The following ZNF215 variants were observed in gnomAD, a reference collection of about 807,000 sequenced individuals.
The protein encoded by ZNF215 is zinc finger protein 215, also known as BWSCR2-associated zinc finger protein 2.
In ZNF215, 24 loss-of-function variants were observed where a neutral mutation model predicts 27.2. The ratio of observed to expected loss-of-function variants is 0.88; its 90% CI spans 0.64 to 1.24. The LOEUF is 1.24. Among genes scored for constraint, ZNF215 ranks in the 50% most tolerant of loss-of-function variants. ZNF215 has a pLI of 0.00. For synonymous variants in ZNF215, 210 were observed against 204.0 expected (o/e 1.03, Z -0.25); for missense variants, 675 against 605.7 (o/e 1.11, Z -1.20).
At position 6,932,490 on chromosome 11, in the gene ZNF215, G is replaced by A. The variant is rs759317000; in HGVS notation, c.218G>A (p.Cys73Tyr). The change falls in exon 3 of 7, where the codon TGT (cysteine) becomes TAT (tyrosine). Residue 73 changes from cysteine to tyrosine, a missense_variant. Physicochemically the swap from Cys to Tyr is radical, Grantham distance 194. Coordinates refer to ENST00000278319, the MANE Select transcript of ZNF215 (RefSeq NM_013250.4). ...GCCCTGAGCCAACTCTGGGAGCTCT[G>A]TCTTCAATGGCTGAGACCAGAGATT... ...HEALSQLWEL[C>Y]LQWLRPEIHT... The A allele has an allele frequency of 2.5e-6, 4 of 1,614,146 alleles. No individual in the cohort carries two copies. Among genetic ancestry groups the A allele is most frequent in the African/African-American group, 1.3e-5 (1 of 75,020 alleles).
chr11:6,959,960 CAT>C (rs1850480854), downstream of ZNF215, among the ~76,000 whole-genome samples: 1 of 151,930 alleles, frequency 6.6e-6, no homozygotes, highest in African/African-American at 2.4e-5. Flanking sequence ...ACATATATAT[CAT>C]ATACAGATGT....
Position 6,957,038 on chromosome 11 carries a change from T to G in ZNF215, c.*507T>G, listed in dbSNP as rs1850387349. On this transcript the variant is annotated 3_prime_UTR_variant, in exon 7 of 7. Transcript: ENST00000278319. ...ATGGCTAAGACAACAGTAACAGCCA[T>G]TTACTCCACTCCTGACAATACCCTT... The G allele has an allele frequency of 1.0e-6, 1 of 986,642 alleles. No homozygotes were observed. Among genetic ancestry groups the G allele is most frequent in the Middle Eastern group, 5.2e-4 (1 of 1,914 alleles). The allele number at this position is 986,642 out of a possible 1,614,324, so 61.1% of individuals were successfully genotyped here. A position where few individuals can be genotyped will look rare whatever the true frequency, so the allele number is the denominator to read the frequency against.
chr11:6,991,532 T>C (rs926633791), downstream of ZNF215, among the ~76,000 whole-genome samples: 1 of 152,210 alleles, frequency 6.6e-6, no homozygotes, highest in East Asian at 1.9e-4. Context: ...AAGTCACCCC[T>C]ACACACCCGC....
At position 6,955,704 on chromosome 11, in the gene ZNF215, T is replaced by G; in HGVS notation, c.727T>G (p.Ser243Ala). 1 of 1,556,452 alleles carries G rather than the reference T, an allele frequency of 6.4e-7. No homozygotes were observed. Among genetic ancestry groups the G allele is most frequent in the Non-Finnish European group, 8.6e-7 (1 of 1,157,900 alleles). ...RKTIFDMKSI[S>A]GEESSHGVIM... ...TTTCTCTTTAGACATGAAGAGTATT[T>G]CTGGAGAAGAATCATCCCATGGAGT... The change falls in exon 7 of 7, where the codon TCT (serine) becomes GCT (alanine). Residue 243 changes from serine to alanine, a missense_variant. By Grantham distance (99) the Ser-to-Ala change is moderately conservative. Transcript: ENST00000278319.
intron 5 of ZNF215, among the ~76,000 whole-genome samples, chr11:6,983,090 C>T: frequency 6.6e-6 from 1 of 151,998 alleles, no homozygotes; most frequent in Non-Finnish European, 1.5e-5. Context: ...CCACCGATTC[C>T]ACAGAAATAC....
At chr11:6,941,393 A>T (rs1664114383) in intron 3 of ZNF215, among the ~76,000 whole-genome samples, 178 bp from the exon 4 acceptor site, 1 of 152,246 alleles carries the variant, frequency 6.6e-6, no homozygotes, top group Non-Finnish European at 1.5e-5. Flanking sequence ...AAAATATTTT[A>T]AAAATACAAG....
intron 3 of ZNF215, among the ~76,000 whole-genome samples, chr11:6,936,787 C>T (rs1849451569): frequency 6.6e-6 from 1 of 151,562 alleles, no homozygotes; most frequent in African/African-American, 2.4e-5. Context: ...GAAAATATAT[C>T]AGTGCTGTAC....
intron 3 of ZNF215, among the ~76,000 whole-genome samples, chr11:6,934,632 C>G (rs1849373994): frequency 6.6e-6 from 1 of 152,194 alleles, no homozygotes; most frequent in Non-Finnish European, 1.5e-5. Context: ...GTTGTCATAG[C>G]TCTTGCTCAC....
chr11:6,936,209 A>G lies in ZNF215; in HGVS notation c.400+3537A>G, dbSNP rs1398607223. Among the ~76,000 whole-genome samples the G allele has an allele frequency of 2.6e-5, 4 of 152,076 alleles. No individual in the cohort carries two copies. In the East Asian group the frequency reaches 7.7e-4, roughly 29 times the overall value. On this transcript the variant is annotated intron_variant, in intron 3 of 6. Coordinates refer to ENST00000278319, the MANE Select transcript of ZNF215 (RefSeq NM_013250.4). ...AAATAATAGAACCAACAAAACTGAA[A>G]GTTGGTACTTTGAAAAGATCAGCAA... is the stretch of plus-strand genomic sequence containing the variant.
At chr11:6,967,559 A>G (rs1444627416) in intron 5 of ZNF215, among the ~76,000 whole-genome samples, 1 of 152,202 alleles carries the variant, frequency 6.6e-6, no homozygotes, top group Non-Finnish European at 1.5e-5. Context: ...ATGACCAGTG[A>G]TGGTGAGCTT....
At chr11:6,944,665 C>G (rs7106573) in intron 6 of ZNF215, among the ~76,000 whole-genome samples, 100,799 of 151,984 alleles carry the variant, frequency 0.66, 33,847 homozygotes, top group South Asian at 0.8. Context: ...ATAACTTGCT[C>G]ATTACTTCAG....
chr11:6,943,785 T>G, intron 6 of ZNF215, 144 bp downstream of exon 6: 1 of 690,452 alleles, frequency 1.4e-6, no homozygotes, highest in Non-Finnish European at 2.5e-6. Flanking sequence ...ATTATTCGCT[T>G]TTGTTCACAG....
At chr11:6,979,613 A>G (rs916703911) in intron 5 of ZNF215, among the ~76,000 whole-genome samples, 11 of 152,042 alleles carry the variant, frequency 7.2e-5, no homozygotes, top group African/African-American at 2.2e-4. Context: ...ATCCAAGTAG[A>G]AGAAGGAGGT....
chr11:6,971,128 A>T (rs1229397901), intron 5 of ZNF215, among the ~76,000 whole-genome samples: 2 of 152,136 alleles, frequency 1.3e-5, no homozygotes, highest in African/African-American at 4.8e-5. Context: ...AAATTTGATT[A>T]AGTTTGGATC....
At chr11:6,928,256 T>A (rs939100338) in intron 2 of ZNF215, among the ~76,000 whole-genome samples, 3 of 152,220 alleles carry the variant, frequency 2.0e-5, no homozygotes, top group African/African-American at 7.2e-5. Context: ...TTTATTTATC[T>A]ATTAGGCTAA....
At chr11:6,979,864 G>A (rs1850911730) in intron 5 of ZNF215, among the ~76,000 whole-genome samples, 2 of 152,022 alleles carry the variant, frequency 1.3e-5, no homozygotes, top group South Asian at 2.1e-4. Context: ...TAAAACCTAC[G>A]TGACAGCTAT....
At chr11:6,950,484 C>G (rs1850010644) in intron 6 of ZNF215, among the ~76,000 whole-genome samples, 1 of 152,092 alleles carries the variant, frequency 6.6e-6, no homozygotes, top group Non-Finnish European at 1.5e-5. Flanking sequence ...ATTTTATTCT[C>G]TTTGAAGCAA....
intron 2 of ZNF215, among the ~76,000 whole-genome samples, chr11:6,928,400 A>T (rs1356874116): frequency 6.6e-6 from 1 of 152,162 alleles, no homozygotes; most frequent in African/African-American, 2.4e-5. Flanking sequence ...TTTGCCAAAA[A>T]TGTTTCAAGT....
At chr11:6,979,975 A>G (rs564287957) in intron 5 of ZNF215, among the ~76,000 whole-genome samples, 6 of 152,106 alleles carry the variant, frequency 3.9e-5, no homozygotes, top group East Asian at 1.9e-4. Context: ...AAAATTGTCA[A>G]TTGTTAACAT....
Sources: gnomAD v4.1 joint callset for allele counts (sites outside exome capture counted in the v4.1 genomes callset) on GRCh38, gnomAD v4.1.1 for gene constraint, MANE v1.5 for transcripts, NCBI Gene and HGNC (gene_info 2026-07-23, HGNC 2026-07-21) for gene names.